The following MAGI2 variants were observed in gnomAD, a reference collection of about 807,000 sequenced individuals.
The protein encoded by MAGI2 is membrane associated guanylate kinase, WW and PDZ domain containing 2.
MAGI2 carries 35 observed loss-of-function variants against 133.3 expected under a neutral mutation model. That is an observed-to-expected ratio of 0.26 (90% CI 0.20 to 0.35). The LOEUF (loss-of-function observed/expected upper bound fraction) is 0.35. Ranked by LOEUF, MAGI2 falls within the 10% of genes least tolerant of loss-of-function variation. The probability of loss-of-function intolerance (pLI) is 1.00; values close to 1 mark genes in which losing one functional copy is unlikely to be tolerated. For synonymous variants in MAGI2, 729 were observed against 710.6 expected, an observed-to-expected ratio of 1.03 and a Z score of -0.41; for missense variants, 1,636 against 1,863.4, an observed-to-expected ratio of 0.88 and a Z score of 2.25.
chr7:79,237,743 A>G (rs1052265762), intron 1 of MAGI2, among the ~76,000 whole-genome samples: 1 of 152,142 alleles, frequency 6.6e-6, no homozygotes, highest in Non-Finnish European at 1.5e-5. Flanking sequence ...CATGATTTTG[A>G]TTGCTTGAAC....
chr7:79,409,336 G>T (rs1846004410), intron 1 of MAGI2, among the ~76,000 whole-genome samples: 1 of 151,744 alleles, frequency 6.6e-6, no homozygotes, highest in African/African-American at 2.4e-5. Context: ...TGTTGCCCAG[G>T]CTGGTCTTGA....
At chr7:78,169,974 G>C (rs1003179050) in intron 14 of MAGI2, among the ~76,000 whole-genome samples, 1 of 152,226 alleles carries the variant, frequency 6.6e-6, no homozygotes, top group Non-Finnish European at 1.5e-5. Flanking sequence ...GATTTGGTAA[G>C]TGCTTTGTGC....
intron 2 of MAGI2, among the ~76,000 whole-genome samples, chr7:78,669,919 T>G (rs1446984781): frequency 6.6e-6 from 1 of 151,520 alleles, no homozygotes; most frequent in Admixed American, 6.6e-5. Context: ...ATGGGAAGTA[T>G]CTCAAAATAA....
At chr7:79,179,853 A>G (rs1350863903) in intron 1 of MAGI2, among the ~76,000 whole-genome samples, 2 of 151,940 alleles carry the variant, frequency 1.3e-5, no homozygotes. Context: ...GCATCAGGAT[A>G]TTGCTCTAGG....
intron 2 of MAGI2, among the ~76,000 whole-genome samples, chr7:78,975,807 T>G (rs2116071116): frequency 6.6e-6 from 1 of 151,642 alleles, no homozygotes; most frequent in East Asian, 1.9e-4. Context: ...ATGATACAAA[T>G]GGTCAATATC....
chr7:79,154,873 A>G (rs1823611232), intron 1 of MAGI2, among the ~76,000 whole-genome samples: 1 of 152,204 alleles, frequency 6.6e-6, no homozygotes, highest in South Asian at 2.1e-4. Context: ...GCAAACAAAC[A>G]AAACAAAACA....
intron 17 of MAGI2, chr7:78,134,552 T>C (rs1444562288): frequency 1.9e-5 from 3 of 156,656 alleles, no homozygotes; most frequent in African/African-American, 7.2e-5. Context: ...TAAATTCTTA[T>C]CAGATGCAAC....
chr7:78,646,224 T>C (rs1273217353), intron 2 of MAGI2, among the ~76,000 whole-genome samples: 1 of 152,136 alleles, frequency 6.6e-6, no homozygotes, highest in East Asian at 1.9e-4. Context: ...GATAGAAAAA[T>C]ATTAAAATTT....
intron 3 of MAGI2, among the ~76,000 whole-genome samples, chr7:78,598,139 A>T (rs139501052): frequency 6.6e-6 from 1 of 152,198 alleles, no homozygotes; most frequent in African/African-American, 2.4e-5. Context: ...TATTTATGGA[A>T]TGCTTTTTAT....
At chr7:78,541,280 A>G (rs1322185305) in intron 3 of MAGI2, among the ~76,000 whole-genome samples, 1 of 152,178 alleles carries the variant, frequency 6.6e-6, no homozygotes, top group Non-Finnish European at 1.5e-5. Context: ...GATATCAGAC[A>G]CTGATTGGTA....
At chr7:78,043,072 G>A (rs1478356405) in intron 21 of MAGI2, among the ~76,000 whole-genome samples, 1 of 152,252 alleles carries the variant, frequency 6.6e-6, no homozygotes, top group Non-Finnish European at 1.5e-5. Context: ...CCTTGGGCAA[G>A]CCACAGCCTC....
intron 1 of MAGI2, among the ~76,000 whole-genome samples, chr7:79,362,750 T>A (rs992322659): frequency 1.3e-5 from 2 of 151,976 alleles, no homozygotes; most frequent in East Asian, 3.9e-4. Context: ...AGATAAAAAC[T>A]CTCAACCAAT....
At chr7:79,070,896 T>A (rs150606965) in intron 1 of MAGI2, among the ~76,000 whole-genome samples, 2 of 152,164 alleles carry the variant, frequency 1.3e-5, no homozygotes, top group African/African-American at 4.8e-5. Context: ...AACATGCTCC[T>A]CTAGCTCAGA....
intron 1 of MAGI2, among the ~76,000 whole-genome samples, chr7:79,254,294 G>C (rs1434979830): frequency 9.1e-6 from 1 of 109,576 alleles, no homozygotes; most frequent in East Asian, 2.3e-4. Flanking sequence ...CGCTTTAGAA[G>C]TATCTTCCCC....
intron 7 of MAGI2, among the ~76,000 whole-genome samples, chr7:78,365,156 T>C (rs1793245383): frequency 6.7e-6 from 1 of 150,068 alleles, no homozygotes; most frequent in African/African-American, 2.5e-5. Context: ...TCGGTGGCCA[T>C]GTTGTCCAGG....
chr7:78,683,309 T>C (rs1815899653), intron 2 of MAGI2, among the ~76,000 whole-genome samples: 1 of 152,128 alleles, frequency 6.6e-6, no homozygotes, highest in South Asian at 2.1e-4. Flanking sequence ...AAAGAGCTAA[T>C]AGAAACCGAA....
intron 1 of MAGI2, among the ~76,000 whole-genome samples, chr7:79,272,124 A>G (rs1834923157): frequency 6.6e-6 from 1 of 152,176 alleles, no homozygotes; most frequent in African/African-American, 2.4e-5. Flanking sequence ...TATATCACCT[A>G]AAATGTATGT....
At chr7:78,193,746 C>CT (rs951767980) in intron 12 of MAGI2, among the ~76,000 whole-genome samples, 3 of 62,760 alleles carry the variant, frequency 4.8e-5, no homozygotes, top group Non-Finnish European at 6.6e-5. Flanking sequence ...GTAGCCGCTT[C>CT]TTTAAAAAAA....
At chr7:78,745,020 C>T (rs1822789795) in intron 2 of MAGI2, among the ~76,000 whole-genome samples, 1 of 152,136 alleles carries the variant, frequency 6.6e-6, no homozygotes, top group Non-Finnish European at 1.5e-5. Flanking sequence ...TTATTCAACG[C>T]TACAGCACAG....
Sources: allele counts gnomAD v4.1 joint callset (sites outside exome capture counted in the v4.1 genomes callset), GRCh38; gene constraint gnomAD v4.1.1; transcripts MANE v1.5; gene names NCBI Gene and HGNC (gene_info 2026-07-23, HGNC 2026-07-21).